The following C10orf90 variants were observed in gnomAD, a reference collection of about 807,000 sequenced individuals.
C10orf90 encodes the protein (E2-independent) E3 ubiquitin-conjugating enzyme FATS.
In C10orf90, 56 loss-of-function variants were observed where a neutral mutation model predicts 62.5. The observed-to-expected ratio is 0.90, with a 90% confidence interval of 0.72 to 1.12. C10orf90 has a LOEUF of 1.12. Ranked by LOEUF, C10orf90 falls within the 50% of genes most tolerant of loss-of-function variation. The pLI, the probability that C10orf90 is intolerant of heterozygous loss-of-function variation, is 0.00. For synonymous variants in C10orf90, 386 were observed against 340.4 expected (o/e 1.13, Z -1.47); for missense variants, 970 against 880.4 (o/e 1.10, Z -1.29).
chr10:126,504,024 A>T lies in C10orf90; in HGVS notation c.1467T>A (p.Thr489=), dbSNP rs114071782. Reference sequence around the variant, plus strand: ...TGGCATGATCGCTGGCGTGACAATGAGTTGTATGGTCCTTTTCCCCTTTTC... The same window carrying T: ...TGGCATGATCGCTGGCGTGACAATGTGTTGTATGGTCCTTTTCCCCTTTTC... The part of the protein sequence containing the change: ...TVRKGEKDHT[T]HCHASDHANQ... Residue 489 remains threonine (T), a synonymous_variant, in exon 4 of 10, where the codon ACT becomes ACA. Coordinates refer to ENST00000488181, the MANE Select transcript of C10orf90 (RefSeq NM_001350921.2). This position sits in a 1 kb window ranked among gnomAD's most constrained non-coding sequence, Gnocchi z 4.1. 3,940 of 1,613,894 alleles carry T rather than the reference A, an allele frequency of 2.4e-3. 87 individuals carry two copies. The African/African-American group carries it at 0.046, about 19-fold the overall frequency.
chr10:126,576,693 G>GGAA (rs1360881859), intron 2 of C10orf90, among the ~76,000 whole-genome samples: 2,893 of 57,402 alleles, frequency 0.05, 743 homozygotes, highest in Middle Eastern at 0.14. Context: ...ACATATACAT[G>GGAA]TATATGTATA....
At chr10:126,608,472 G>T (rs191908555) in intron 2 of C10orf90, among the ~76,000 whole-genome samples, 1 of 152,214 alleles carries the variant, frequency 6.6e-6, no homozygotes, top group South Asian at 2.1e-4. Flanking sequence ...TATATTTTAC[G>T]ATATATGCAC....
intron 4 of C10orf90, among the ~76,000 whole-genome samples, chr10:126,471,598 T>A (rs1860589605): frequency 6.6e-6 from 1 of 152,216 alleles, no homozygotes; most frequent in South Asian, 2.1e-4. Flanking sequence ...AGAAGCACCC[T>A]GTGTATTCAG....
At chr10:126,580,896 T>C (rs1844736409) in intron 2 of C10orf90, among the ~76,000 whole-genome samples, 1 of 151,938 alleles carries the variant, frequency 6.6e-6, no homozygotes, top group Non-Finnish European at 1.5e-5. Flanking sequence ...TCCCTCCCTC[T>C]ACCCATAAGT....
At chr10:126,511,453 C>T (rs1387731512) in intron 3 of C10orf90, among the ~76,000 whole-genome samples, 1 of 152,118 alleles carries the variant, frequency 6.6e-6, no homozygotes, top group Non-Finnish European at 1.5e-5. Context: ...ACCACCGTCA[C>T]CACTATCCAT....
intron 4 of C10orf90, among the ~76,000 whole-genome samples, chr10:126,494,656 A>G (rs1861945244): frequency 6.6e-6 from 1 of 152,262 alleles, no homozygotes; most frequent in Non-Finnish European, 1.5e-5. Flanking sequence ...CGGTCCTTGC[A>G]TGCAAATGTT....
chr10:126,461,314 G>A, intron 6 of C10orf90, 87 bp downstream of exon 6: 3 of 1,461,876 alleles, frequency 2.1e-6, no homozygotes, highest in East Asian at 2.3e-5. Context: ...CAGCCTCAGA[G>A]GTGCAAGTGA....
At chr10:126,500,287 G>A (rs1407642974) in intron 4 of C10orf90, among the ~76,000 whole-genome samples, 4 of 152,102 alleles carry the variant, frequency 2.6e-5, no homozygotes, top group Admixed American at 2.6e-4. Flanking sequence ...CCCTGCCTGG[G>A]GCTGTCACTG....
intron 2 of C10orf90, among the ~76,000 whole-genome samples, chr10:126,531,518 G>C (rs1420724064): frequency 6.6e-6 from 1 of 152,128 alleles, no homozygotes; most frequent in East Asian, 1.9e-4. Flanking sequence ...GTATAAACAA[G>C]ATATATTTAT....
At chr10:126,468,204 G>T (rs571264395) in intron 4 of C10orf90, among the ~76,000 whole-genome samples, 2 of 152,000 alleles carry the variant, frequency 1.3e-5, no homozygotes, top group African/African-American at 2.4e-5. Flanking sequence ...GAGTAGCTGG[G>T]ATTACAGATG....
intron 3 of C10orf90, among the ~76,000 whole-genome samples, chr10:126,511,172 T>C (rs1387360581): frequency 6.6e-6 from 1 of 152,214 alleles, no homozygotes; most frequent in Non-Finnish European, 1.5e-5. Flanking sequence ...TTTTCCAGTG[T>C]ATGAACTTGC....
intron 2 of C10orf90, among the ~76,000 whole-genome samples, chr10:126,561,582 C>T (rs549229712): frequency 6.6e-6 from 1 of 152,274 alleles, no homozygotes; most frequent in South Asian, 2.1e-4. Flanking sequence ...CAGATTTTCA[C>T]TCTCCGTGCT....
At chr10:126,603,429 G>T (rs562778422) in intron 2 of C10orf90, among the ~76,000 whole-genome samples, 2 of 152,194 alleles carry the variant, frequency 1.3e-5, no homozygotes, top group Non-Finnish European at 2.9e-5. Flanking sequence ...CTCCCACCAG[G>T]TCCCTCCCAT....
intron 4 of C10orf90, among the ~76,000 whole-genome samples, chr10:126,486,257 T>C (rs562159433): frequency 3.3e-5 from 5 of 152,316 alleles, no homozygotes; most frequent in Admixed American, 1.3e-4. Flanking sequence ...CACAACCTGC[T>C]TACTGTGGAC....
intron 2 of C10orf90, among the ~76,000 whole-genome samples, chr10:126,585,470 AAG>A (rs1196718577): frequency 6.7e-6 from 1 of 149,530 alleles, no homozygotes; most frequent in African/African-American, 2.5e-5. Context: ...GAAGGAAAGG[AAG>A]AGAGGGGGAA....
chr10:126,490,278 A>G (rs1200174835), intron 4 of C10orf90, among the ~76,000 whole-genome samples: 1 of 151,212 alleles, frequency 6.6e-6, no homozygotes, highest in Non-Finnish European at 1.5e-5. Flanking sequence ...TCACAAAAGA[A>G]CAGATATTGT....
intron 2 of C10orf90, among the ~76,000 whole-genome samples, chr10:126,551,717 A>G (rs910281681): frequency 2.0e-5 from 3 of 152,230 alleles, no homozygotes; most frequent in Non-Finnish European, 4.4e-5. Context: ...GTCTCAAAGA[A>G]AAAGGCACAG....
intron 2 of C10orf90, among the ~76,000 whole-genome samples, chr10:126,604,827 T>C (rs911711165): frequency 6.6e-6 from 1 of 152,220 alleles, no homozygotes; most frequent in Non-Finnish European, 1.5e-5. Context: ...TCAGGTAAGA[T>C]AAGGCCCATT....
At chr10:126,588,647 G>A (rs1312315656) in intron 2 of C10orf90, among the ~76,000 whole-genome samples, 2 of 152,034 alleles carry the variant, frequency 1.3e-5, no homozygotes, top group Non-Finnish European at 2.9e-5. Context: ...ACAAAAAACA[G>A]AAAGCAACAA....
Sources: gnomAD v4.1 joint callset for allele counts (sites outside exome capture counted in the v4.1 genomes callset) on GRCh38, gnomAD v4.1.1 for gene constraint, Gnocchi (gnomAD v3.1) non-coding constraint, MANE v1.5 for transcripts, NCBI Gene and HGNC (gene_info 2026-07-23, HGNC 2026-07-21) for gene names.